DMD: variants seen among roughly 807,000 people sequenced by gnomAD.
DMD encodes the protein dystrophin.
A neutral mutation model predicts 330.1 loss-of-function variants in DMD; 63 were observed. The observed-to-expected ratio is 0.19, with a 90% CI of 0.16 to 0.24. DMD has a LOEUF of 0.24. Among genes scored for constraint, DMD ranks in the 10% least tolerant of loss-of-function variants. DMD has a pLI of 1.00. For missense variants in DMD, 3,344 were observed against 2,684.1 expected (o/e 1.25, Z -5.43); for synonymous variants, 1,223 against 959.8 (o/e 1.27, Z -5.07).
At chrX:32,515,153 A>T (rs1754219446) in intron 18 of DMD, among the ~76,000 whole-genome samples, 2 of 111,433 alleles carry the variant, frequency 1.8e-5, no homozygotes, top group Admixed American at 1.9e-4. Flanking sequence ...TCCACGTATG[A>T]GTAGAATAAG....
chrX:31,380,274 TTAAC>T (rs1244787462), intron 60 of DMD, among the ~76,000 whole-genome samples: 1 of 110,512 alleles, frequency 9.0e-6, no homozygotes, highest in African/African-American at 3.3e-5. Context: ...CCGAGACACT[TTAAC>T]TAAATGATCT....
intron 60 of DMD, among the ~76,000 whole-genome samples, chrX:31,370,906 G>A (rs1035102817): frequency 3.8e-4 from 43 of 112,139 alleles, no homozygotes; most frequent in Non-Finnish European, 6.8e-4. Flanking sequence ...ATTATGTTGA[G>A]TGAGTCAAGT....
intron 43 of DMD, among the ~76,000 whole-genome samples, chrX:32,254,945 A>G (rs1038883342): frequency 2.7e-5 from 3 of 111,315 alleles, no homozygotes; most frequent in African/African-American, 9.8e-5. Context: ...TATCTCCAAA[A>G]CTCTTCATCT....
intron 63 of DMD, among the ~76,000 whole-genome samples, chrX:31,228,015 C>T (rs2046798702): frequency 9.5e-6 from 1 of 105,240 alleles, no homozygotes. Context: ...GAACAAAAAA[C>T]CAAACACCGC....
chrX:32,389,946 C>T (rs2097989372), intron 31 of DMD, 125 bp downstream of exon 31: 2 of 581,997 alleles, frequency 3.4e-6, no homozygotes, highest in African/African-American at 2.3e-5. Flanking sequence ...ATTGTTTAGA[C>T]ATCAAATTAT....
intron 2 of DMD, among the ~76,000 whole-genome samples, chrX:33,013,329 G>T (rs2093735995): frequency 9.0e-6 from 1 of 111,131 alleles, no homozygotes; most frequent in African/African-American, 3.3e-5. Context: ...TAAACAAAAA[G>T]TTCCCAATCC....
At chrX:33,179,459 C>T (rs1248210289) in intron 1 of DMD, among the ~76,000 whole-genome samples, 2 of 110,304 alleles carry the variant, frequency 1.8e-5, no homozygotes, top group Admixed American at 1.9e-4. Context: ...TTTGGGAGGC[C>T]GAGGCGGGCG....
chrX:32,711,692 C>T (rs1002906978), intron 7 of DMD, among the ~76,000 whole-genome samples: 2 of 112,074 alleles, frequency 1.8e-5, no homozygotes, highest in African/African-American at 6.5e-5. Flanking sequence ...CCCCATATCT[C>T]TACAGCACCA....
intron 59 of DMD, among the ~76,000 whole-genome samples, chrX:31,471,008 C>A (rs1218581798): frequency 8.9e-6 from 1 of 111,810 alleles, no homozygotes; most frequent in Non-Finnish European, 1.9e-5. Context: ...CCACACTAAG[C>A]TTGAGTATCC....
At chrX:32,174,751 A>G (rs776636946) in intron 44 of DMD, among the ~76,000 whole-genome samples, 1 of 106,751 alleles carries the variant, frequency 9.4e-6, no homozygotes, top group East Asian at 3.0e-4. Flanking sequence ...CCCCTTCTAT[A>G]GATATTTTTT....
chrX:31,442,773 A>T (rs1322065031), intron 60 of DMD, among the ~76,000 whole-genome samples: 1 of 111,645 alleles, frequency 9.0e-6, no homozygotes, highest in Non-Finnish European at 1.9e-5. Context: ...TGAAAAACAT[A>T]CTAAGGATGG....
chrX:33,192,615 CA>C (rs1189278443), intron 1 of DMD, among the ~76,000 whole-genome samples: 1 of 112,032 alleles, frequency 8.9e-6, no homozygotes, highest in African/African-American at 3.2e-5. Context: ...AAAATTTCAT[CA>C]GTTTTCAAAT....
chrX:31,570,914 A>C (rs1038023340), intron 55 of DMD, among the ~76,000 whole-genome samples: 1 of 111,800 alleles, frequency 8.9e-6, no homozygotes, highest in East Asian at 2.8e-4. Context: ...GTTAACCATA[A>C]TTTAGATTTG....
At chrX:31,150,519 C>T (rs2037282551) in intron 74 of DMD, among the ~76,000 whole-genome samples, 1 of 111,769 alleles carries the variant, frequency 8.9e-6, no homozygotes, top group Non-Finnish European at 1.9e-5. Context: ...TGATAAATAC[C>T]AAAATAAGAT....
chrX:31,124,148 C>T (rs1188851112), intron 78 of DMD, among the ~76,000 whole-genome samples: 2 of 111,950 alleles, frequency 1.8e-5, no homozygotes, highest in Admixed American at 9.4e-5. Context: ...GGCCTTTAAC[C>T]GGTTTACACT....
At chrX:33,139,868 TAAAAAAAAAAAAAAAA>T (rs3990971) in intron 1 of DMD, among the ~76,000 whole-genome samples, 1 of 64,379 alleles carries the variant, frequency 1.6e-5, no homozygotes, top group Non-Finnish European at 2.7e-5. Flanking sequence ...GCCCCATCGC[TAAAAAAAAAAAAAAAA>T]AAAAAAAAAA....
intron 1 of DMD, among the ~76,000 whole-genome samples, chrX:33,108,796 G>T (rs1476715515): frequency 5.1e-5 from 5 of 97,131 alleles, no homozygotes; most frequent in African/African-American, 1.8e-4. Context: ...AACCTGGGAG[G>T]TGGAGGTTGC....
intron 44 of DMD, among the ~76,000 whole-genome samples, chrX:32,050,022 A>G (rs997433886): frequency 1.8e-5 from 2 of 111,906 alleles, no homozygotes; most frequent in Non-Finnish European, 3.8e-5. Flanking sequence ...TATATTTAAC[A>G]ACTTAGATTC....
chrX:33,020,139 C>T lies in DMD; in HGVS notation c.93G>A (p.Lys31=). ...FTKWVNAQFS[K]FGKQHIENLF... ...AAGTAAAGTAACAAACCATTCTTAC[C>T]TTAGAAAATTGTGCATTTACCCATT... The change falls in exon 2 of 79, where the codon AAG becomes AAA. Residue 31 remains lysine (K), a splice_region_variant and synonymous_variant. Transcript: ENST00000357033. 2 of 1,186,636 alleles carry T rather than the reference C, an allele frequency of 1.7e-6. No homozygotes were observed. The highest frequency in any genetic ancestry group is 2.3e-6 in the Non-Finnish European group (2 of 876,897).
Sources: allele counts gnomAD v4.1 joint callset (sites outside exome capture counted in the v4.1 genomes callset), GRCh38; gene constraint gnomAD v4.1.1; transcripts MANE v1.5; gene names NCBI Gene and HGNC (gene_info 2026-07-23, HGNC 2026-07-21).